The following EFHB variants were observed in gnomAD, a reference collection of about 807,000 sequenced individuals.
The protein encoded by EFHB is EF-hand domain-containing family member B.
In EFHB, 91 loss-of-function variants were observed where a neutral mutation model predicts 87.2. The observed-to-expected ratio is 1.04, with a 90% confidence interval of 0.88 to 1.24. The LOEUF (loss-of-function observed/expected upper bound fraction) is 1.24. Among genes scored for constraint, EFHB ranks in the 50% most tolerant of loss-of-function variants. EFHB has a pLI of 0.00. For missense variants in EFHB, 1,084 were observed against 998.8 expected (o/e 1.09, Z -1.15); for synonymous variants, 325 against 333.6 (o/e 0.97, Z 0.28).
rs2071714085 is a variant in EFHB, at chr3:19,882,818, A to C, written c.2147-87T>G. On this transcript the variant is annotated intron_variant, in intron 11 of 12. Coordinates refer to ENST00000295824, the MANE Select transcript of EFHB (RefSeq NM_144715.4). ...CACCAGTCACATGTGCATACTGAGCACTTAAAATGTAGCTAGGAAGAATTT... is the reference window on the plus strand; with the variant it reads ...CACCAGTCACATGTGCATACTGAGCCCTTAAAATGTAGCTAGGAAGAATTT... 4.2e-6 allele frequency: 5 copies of C among 1,198,176 alleles called. No homozygotes were observed. The Middle Eastern group carries it at 6.2e-4, about 148-fold the overall frequency. 74.2% of individuals were successfully genotyped at this position (1,198,176 alleles called of 1,614,324 possible).
chr3:19,927,780 CT>C (rs936905146), intron 1 of EFHB, among the ~76,000 whole-genome samples: 12 of 152,128 alleles, frequency 7.9e-5, no homozygotes, highest in African/African-American at 2.9e-4. Flanking sequence ...TTCCTTCCTA[CT>C]CTGAGACTCA....
rs1427936003 is a variant in EFHB, at chr3:19,933,763, T to A, written c.256A>T (p.Arg86Trp). Reference sequence around the variant, plus strand: ...ACACTGTCGACTCCTAAACTACCCCTCTGCATGACAGTCCTAGAAATATTC... The same window carrying A: ...ACACTGTCGACTCCTAAACTACCCCACTGCATGACAGTCCTAGAAATATTC... ...RQNISRTVMQRGSLGVDSVSA... is the reference protein window; with the variant it reads ...RQNISRTVMQWGSLGVDSVSA... Residue 86 changes from arginine to tryptophan, a missense_variant, in exon 1 of 13, where the codon AGG becomes TGG. Arg to Trp is a moderately radical substitution (Grantham distance 101). Transcript: ENST00000295824. The A allele has an allele frequency of 1.2e-6, 2 of 1,613,996 alleles. No individual in the cohort carries two copies.
At chr3:19,896,520 C>T in intron 9 of EFHB, 167 bp downstream of exon 9, 2 of 948,542 alleles carry the variant, frequency 2.1e-6, no homozygotes, top group South Asian at 1.4e-5. Flanking sequence ...ACAGACAATA[C>T]TGAAAACAAC....
At chr3:19,943,780 T>C (rs1364790275) in intron 1 of EFHB, among the ~76,000 whole-genome samples, 1 of 152,136 alleles carries the variant, frequency 6.6e-6, no homozygotes, top group East Asian at 1.9e-4. Context: ...CACAAGCAGA[T>C]GGACTGACTG....
chr3:19,924,184 C>T (rs557034534), intron 1 of EFHB, among the ~76,000 whole-genome samples: 60 of 151,274 alleles, frequency 4.0e-4, no homozygotes, highest in African/African-American at 1.4e-3. Flanking sequence ...TTGCATTATA[C>T]TGCAAGGAAG....
At chr3:19,889,807 G>A (rs1286988228) in intron 9 of EFHB, among the ~76,000 whole-genome samples, 6 of 152,100 alleles carry the variant, frequency 3.9e-5, no homozygotes, top group South Asian at 2.1e-4. Flanking sequence ...TGACCAACAC[G>A]GAGAAATCCC....
At chr3:19,897,958 G>C (rs1694542898) in intron 8 of EFHB, among the ~76,000 whole-genome samples, 1 of 152,198 alleles carries the variant, frequency 6.6e-6, no homozygotes, top group Non-Finnish European at 1.5e-5. Flanking sequence ...TTAAACGTTA[G>C]TGTATATAAG....
Position 19,896,724 on chromosome 3 carries a change from A to C in EFHB, c.1688T>G (p.Phe563Cys), listed in dbSNP as rs751173735. Residue 563 changes from phenylalanine (F) to cysteine (C), a missense_variant, in exon 9 of 13, where the codon TTT (phenylalanine) becomes TGT (cysteine). Physicochemically the swap from Phe to Cys is radical, Grantham distance 205 (BLOSUM62 -2). Coordinates refer to ENST00000295824, the MANE Select transcript of EFHB (RefSeq NM_144715.4). ...HHLKKVNYQK[F>C]DTLLAAFRHY... ...CCTGAAGGCTGCCAGCAAAGTGTCAAACTTTTGGTAATTAACTTTCTTCAG... is the reference window on the plus strand; with the variant it reads ...CCTGAAGGCTGCCAGCAAAGTGTCACACTTTTGGTAATTAACTTTCTTCAG... 1.2e-6 allele frequency: 2 copies of C among 1,614,000 alleles called. No homozygotes were observed. Among genetic ancestry groups the C allele is most frequent in the South Asian group, 2.2e-5 (2 of 91,082 alleles).
chr3:19,941,433 T>G (rs563572045), intron 1 of EFHB: 1 of 161,708 alleles, frequency 6.2e-6, no homozygotes, highest in Non-Finnish European at 1.4e-5. Flanking sequence ...CTTTGTATGC[T>G]TGTACTTGAA....
chr3:19,918,697 A>C (rs1174525347), intron 3 of EFHB, among the ~76,000 whole-genome samples: 1 of 152,010 alleles, frequency 6.6e-6, no homozygotes, highest in African/African-American at 2.4e-5. Flanking sequence ...AAGTGGTGCC[A>C]GGTGTAGTGG....
At chr3:19,883,157 T>C (rs1459924452) in intron 11 of EFHB, among the ~76,000 whole-genome samples, 2 of 151,992 alleles carry the variant, frequency 1.3e-5, no homozygotes, top group Non-Finnish European at 2.9e-5. Context: ...TTTGCCATCA[T>C]GCCCAGCTAA....
intron 1 of EFHB, among the ~76,000 whole-genome samples, chr3:19,923,128 A>G (rs1287877360): frequency 1.3e-5 from 2 of 152,066 alleles, no homozygotes; most frequent in African/African-American, 4.8e-5. Flanking sequence ...TTAGCCAGGC[A>G]TGGTGGCGCA....
At chr3:19,885,016 G>C (rs1694048136) in intron 10 of EFHB, among the ~76,000 whole-genome samples, 1 of 151,818 alleles carries the variant, frequency 6.6e-6, no homozygotes, top group Admixed American at 6.6e-5. Flanking sequence ...GAGGTCAGGA[G>C]TTCGAGACCA....
At position 19,933,184 on chromosome 3, in the gene EFHB, T is replaced by C. The variant is rs771525929; in HGVS notation, c.789+46A>G. ...TCACTTTATCATCTCAATAAAGACA[T>C]GGCTATACACAGTTTAGTTCCTATG... On this transcript the variant is annotated intron_variant, in intron 1 of 12. Transcript: ENST00000295824. 5 of 1,538,566 alleles carry C rather than the reference T, an allele frequency of 3.2e-6. No individual in the cohort carries two copies. The South Asian group carries it at 6.1e-5, about 19-fold the overall frequency.
intron 10 of EFHB, among the ~76,000 whole-genome samples, chr3:19,886,905 G>A (rs1694122152): frequency 6.6e-6 from 1 of 152,076 alleles, no homozygotes; most frequent in Non-Finnish European, 1.5e-5. Flanking sequence ...CATAAGAAAT[G>A]AGAAATAAAA....
intron 5 of EFHB, among the ~76,000 whole-genome samples, chr3:19,915,022 G>A (rs1313400137): frequency 6.6e-6 from 1 of 151,844 alleles, no homozygotes; most frequent in Non-Finnish European, 1.5e-5. Context: ...AGCCTAGGAG[G>A]TGGAGACTGC....
At chr3:19,940,306 G>A (rs1273749772) in intron 1 of EFHB, 3 of 282,788 alleles carry the variant, frequency 1.1e-5, no homozygotes, top group African/African-American at 2.2e-5. Flanking sequence ...ATCAGAGGGA[G>A]GAGATCCACC....
Position 19,894,710 on chromosome 3 carries a change from C to T in EFHB, c.1725+1977G>A, listed in dbSNP as rs1694414344. On this transcript the variant is annotated intron_variant, in intron 9 of 12. Coordinates refer to ENST00000295824, the MANE Select transcript of EFHB (RefSeq NM_144715.4). The stretch of plus-strand genomic sequence containing the variant: ...TAACTATTAAAAGGTATATCAAGGC[C>T]AGGCGCGGTGGTTCATACCTGTAAT... 2 of 152,144 alleles carry T rather than the reference C, an allele frequency of 1.3e-5. 1 individual carries two copies. The highest frequency in any genetic ancestry group is 4.1e-4 in the South Asian group (2 of 4,834). 9.4% of individuals were successfully genotyped at this position (152,144 alleles called of 1,614,324 possible). A position where few individuals can be genotyped will look rare whatever the true frequency, so the allele number is the denominator to read the frequency against.
At position 19,933,281 on chromosome 3, in the gene EFHB, G is replaced by A; in HGVS notation, c.738C>T (p.Ile246=). 6.2e-7 allele frequency: 1 copy of A among 1,614,034 alleles called. No homozygotes were observed. The highest frequency in any genetic ancestry group is 8.5e-7 in the Non-Finnish European group (1 of 1,179,886). The change falls in exon 1 of 13, where the codon ATC becomes ATT. Residue 246 remains isoleucine, a synonymous_variant. Coordinates refer to ENST00000295824, the MANE Select transcript of EFHB (RefSeq NM_144715.4). ...AAAACTTCCCAGAGTATATGGGTCT[G>A]ATGCGATCTGGAGGTTCCACTCCTG... ...IESGVEPPDR[I]RPIYSGKFFD...
Sources: gnomAD v4.1 joint callset for allele counts (sites outside exome capture counted in the v4.1 genomes callset) on GRCh38, gnomAD v4.1.1 for gene constraint, MANE v1.5 for transcripts, NCBI Gene and HGNC (gene_info 2026-07-23, HGNC 2026-07-21) for gene names.